CUX1: variants seen among roughly 807,000 people sequenced by gnomAD.
CUX1 encodes the protein cut like homeobox 1.
Under a neutral mutation model 158.8 loss-of-function variants are expected in CUX1, and 31 were observed. That is an observed-to-expected ratio of 0.20 (90% CI 0.15 to 0.26). The LOEUF is 0.26. Among genes scored for constraint, CUX1 ranks in the 10% least tolerant of loss-of-function variants. The probability of loss-of-function intolerance (pLI) is 1.00; values close to 1 mark genes in which losing one functional copy is unlikely to be tolerated. For missense variants in CUX1, 1,589 were observed against 2,014.6 expected (o/e 0.79, Z 4.04); for synonymous variants, 879 against 862.1 (o/e 1.02, Z -0.34).
At chr7:102,141,921 G>A (rs1370575013) in intron 8 of CUX1, among the ~76,000 whole-genome samples, 5 of 151,514 alleles carry the variant, frequency 3.3e-5, no homozygotes, top group South Asian at 2.1e-4. Context: ...GATTACAGGC[G>A]TGAGCCACCA....
upstream of CUX1, chr7:101,816,949 C>G: frequency 1.0e-6 from 1 of 983,016 alleles, no homozygotes; most frequent in Non-Finnish European, 1.2e-6. Flanking sequence ...TCCCGGGGAG[C>G]GCCCCGGGGC....
At chr7:101,877,784 G>C (rs944123765) in intron 1 of CUX1, among the ~76,000 whole-genome samples, 4 of 104,100 alleles carry the variant, frequency 3.8e-5, no homozygotes, top group Non-Finnish European at 7.2e-5. Context: ...GTGTGTGTGT[G>C]TGTGTGTGTG....
intron 8 of CUX1, among the ~76,000 whole-genome samples, chr7:102,127,972 T>G (rs574203536): frequency 6.6e-6 from 1 of 152,322 alleles, no homozygotes; most frequent in Admixed American, 6.5e-5. Flanking sequence ...CTCGGCCTCC[T>G]GAGTAGCTGG....
At chr7:101,829,799 G>A (rs1584680115) in intron 1 of CUX1, among the ~76,000 whole-genome samples, 1 of 152,162 alleles carries the variant, frequency 6.6e-6, no homozygotes, top group African/African-American at 2.4e-5. Context: ...ATAGAATCAC[G>A]GCTGCCCCAT....
chr7:102,002,811 A>G (rs1207623904), intron 2 of CUX1, among the ~76,000 whole-genome samples: 2 of 152,154 alleles, frequency 1.3e-5, no homozygotes, highest in Admixed American at 1.3e-4. Context: ...TGTGTGAAAA[A>G]GCTGTGACCT....
intron 8 of CUX1, among the ~76,000 whole-genome samples, chr7:102,116,431 A>G (rs965886550): frequency 1.3e-5 from 2 of 152,084 alleles, no homozygotes; most frequent in Non-Finnish European, 1.5e-5. Flanking sequence ...TGATTAAGCA[A>G]CTTACTTACT....
At chr7:101,995,255 C>T (rs906873299) in intron 2 of CUX1, among the ~76,000 whole-genome samples, 2 of 152,178 alleles carry the variant, frequency 1.3e-5, no homozygotes, top group Admixed American at 6.5e-5. Flanking sequence ...AGAGTCCCAT[C>T]CAGGCCGCCA....
intron 18 of CUX1, among the ~76,000 whole-genome samples, chr7:102,278,391 A>C (rs1229911133): frequency 6.6e-6 from 1 of 151,948 alleles, no homozygotes; most frequent in South Asian, 2.1e-4. Flanking sequence ...GAAGTTCGAG[A>C]CCAGCCTGGC....
chr7:101,973,770 C>G (rs867382851), intron 2 of CUX1, among the ~76,000 whole-genome samples: 1 of 137,376 alleles, frequency 7.3e-6, no homozygotes, highest in East Asian at 2.1e-4. Flanking sequence ...TTTTCTTTTT[C>G]TTTTTTTTTT....
intron 1 of CUX1, among the ~76,000 whole-genome samples, chr7:101,854,319 A>C: frequency 6.6e-6 from 1 of 152,144 alleles, no homozygotes; most frequent in Admixed American, 6.5e-5. Context: ...GATTAACACA[A>C]GTTTGGAGTC....
At chr7:102,220,293 G>A (rs145347392) in intron 20 of CUX1, among the ~76,000 whole-genome samples, 326 of 152,290 alleles carry the variant, frequency 2.1e-3, no homozygotes, top group Non-Finnish European at 3.1e-3. Flanking sequence ...ACCGGGAGGC[G>A]GAGGTTGCAG....
At chr7:102,080,643 A>G (rs1406964318) in intron 4 of CUX1, among the ~76,000 whole-genome samples, 1 of 152,060 alleles carries the variant, frequency 6.6e-6, no homozygotes, top group Non-Finnish European at 1.5e-5. Context: ...GCAGTTCACC[A>G]CCAGCAGTCT....
chr7:102,253,716 C>G lies in CUX1; in HGVS notation c.*4674C>G, dbSNP rs1002864119. On this transcript the variant is annotated 3_prime_UTR_variant, in exon 24 of 24. Coordinates refer to ENST00000292535, the MANE Select transcript of CUX1 (RefSeq NM_181552.4). ...AGTATGACAGGCGCTTCTTGGCAGA[C>G]CAGTAAAAACAAAAGCCCATAGACC... 1.4e-5 allele frequency: 14 copies of G among 985,460 alleles called. No individual in the cohort carries two copies. The highest frequency in any genetic ancestry group is 1.7e-5 in the Non-Finnish European group (14 of 829,962). The allele number at this position is 985,460 out of a possible 1,614,324, so 61.0% of individuals were successfully genotyped here.
chr7:102,120,783 G>T (rs187113833), intron 8 of CUX1, among the ~76,000 whole-genome samples: 21 of 152,310 alleles, frequency 1.4e-4, no homozygotes, highest in Admixed American at 1.0e-3. Context: ...AGGGGAGGAG[G>T]CTGGGCATGG....
At chr7:101,874,514 C>G (rs1404809763) in intron 1 of CUX1, among the ~76,000 whole-genome samples, 2 of 152,230 alleles carry the variant, frequency 1.3e-5, no homozygotes, top group East Asian at 3.8e-4. Context: ...GCCTTGGTGC[C>G]AGGCACCGTT....
rs1254068634 is a variant in CUX1 at position 102,249,647 on chromosome 7, ACTATTAT to A, written c.*608_*614del. On this transcript the variant is annotated 3_prime_UTR_variant, in exon 24 of 24. Transcript: ENST00000292535. ...TCTAATGGCTTCAGAGCGATAATAC[ACTATTAT>A]CTTCTTAAACCAGGAAAAAATAAAA... The A allele has an allele frequency of 3.0e-6, 3 of 985,144 alleles. No homozygotes were observed. The African/African-American group carries it at 5.3e-5, about 17-fold the overall frequency. 61.0% of individuals were successfully genotyped at this position (985,144 alleles called of 1,614,324 possible).
intron 2 of CUX1, among the ~76,000 whole-genome samples, chr7:101,926,450 A>G (rs977707167): frequency 1.3e-5 from 2 of 152,106 alleles, no homozygotes; most frequent in African/African-American, 4.8e-5. Flanking sequence ...ACTTTGCCGC[A>G]TGGTCTGGAG....
In CUX1 at chr7:102,273,217, C is replaced by G. The variant is rs1791355631; in HGVS notation, c.1256-149C>G. 5 of 1,084,734 alleles carry G rather than the reference C, an allele frequency of 4.6e-6. No homozygotes were observed. The East Asian group carries it at 1.3e-4, about 28-fold the overall frequency. 67.2% of individuals were successfully genotyped at this position (1,084,734 alleles called of 1,614,324 possible). On this transcript the variant is annotated intron_variant, in intron 14 of 22. Transcript: ENST00000292538. ...CCTAGGTCTAATGGGGTCTTCTAGG[C>G]AGTGGTGAGTTGGGAGGGAATAGCC...
At chr7:102,120,504 T>TA (rs1831922801) in intron 8 of CUX1, among the ~76,000 whole-genome samples, 1 of 152,242 alleles carries the variant, frequency 6.6e-6, no homozygotes, top group Non-Finnish European at 1.5e-5. Flanking sequence ...TCCTAGCCTA[T>TA]ATGCTTTTTT....
Sources: allele counts gnomAD v4.1 joint callset (sites outside exome capture counted in the v4.1 genomes callset), GRCh38; gene constraint gnomAD v4.1.1; transcripts MANE v1.5; gene names NCBI Gene and HGNC (gene_info 2026-07-23, HGNC 2026-07-21).